Variants in CECR2 observed in about 807,000 individuals in gnomAD.
CECR2 encodes CECR2 histone acetyl-lysine reader.
In CECR2, 30 loss-of-function variants were observed where a neutral mutation model predicts 154.5. That is an observed-to-expected ratio of 0.19 (90% CI 0.15 to 0.26). The LOEUF is 0.26. CECR2 is among the 10% of genes least tolerant of loss of function. The probability of loss-of-function intolerance (pLI) is 1.00; values close to 1 mark genes in which losing one functional copy is unlikely to be tolerated. For missense variants in CECR2, 1,743 were observed against 1,829.3 expected (o/e 0.95, Z 0.86); for synonymous variants, 725 against 683.7 (o/e 1.06, Z -0.94).
chr22:17,445,494 TA>T (rs1183247671), intron 1 of CECR2, among the ~76,000 whole-genome samples: 1 of 151,632 alleles, frequency 6.6e-6, no homozygotes, highest in Non-Finnish European at 1.5e-5. Context: ...TTTCCTTATA[TA>T]AAATGGTATA....
chr22:17,525,200 G>A (rs1377926150), intron 9 of CECR2, among the ~76,000 whole-genome samples: 2 of 142,260 alleles, frequency 1.4e-5, no homozygotes, highest in Non-Finnish European at 3.0e-5. Context: ...CAGGAGAATC[G>A]CTTGAACCCA....
intron 1 of CECR2, among the ~76,000 whole-genome samples, chr22:17,429,403 G>A (rs2054383706): frequency 1.3e-5 from 2 of 151,830 alleles, no homozygotes. Context: ...CAGGGCATAT[G>A]AAGATCTCAC....
intron 2 of CECR2, among the ~76,000 whole-genome samples, chr22:17,481,086 G>A (rs994005207): frequency 5.6e-5 from 8 of 142,876 alleles, no homozygotes; most frequent in Non-Finnish European, 1.1e-4. Flanking sequence ...CCTCACGCCT[G>A]TAATCCCAGC....
intron 6 of CECR2, among the ~76,000 whole-genome samples, 199 bp downstream of exon 6, chr22:17,503,330 G>T (rs722750): frequency 6.6e-6 from 1 of 152,064 alleles, no homozygotes; most frequent in Non-Finnish European, 1.5e-5. Context: ...ATTAAGATCA[G>T]AACTAGATCT....
chr22:17,522,081 T>C (rs174312), intron 8 of CECR2, among the ~76,000 whole-genome samples: 21,449 of 152,164 alleles, frequency 0.14, 1,961 homozygotes, highest in Non-Finnish European at 0.2. Context: ...GTGTTATTTC[T>C]GAGGCCTCTG....
At chr22:17,436,826 G>A (rs1053957747) in intron 1 of CECR2, among the ~76,000 whole-genome samples, 1 of 152,202 alleles carries the variant, frequency 6.6e-6, no homozygotes, top group African/African-American at 2.4e-5. Context: ...GTTTCCTTAA[G>A]TGAGCTAAGC....
chr22:17,525,299 A>G (rs2056242395), intron 9 of CECR2, among the ~76,000 whole-genome samples: 2 of 144,558 alleles, frequency 1.4e-5, no homozygotes, highest in African/African-American at 5.1e-5. Flanking sequence ...AAAAAAAAAA[A>G]AAAAAAAAAA....
intron 1 of CECR2, among the ~76,000 whole-genome samples, chr22:17,472,656 G>T (rs75139269): frequency 0.023 from 3,547 of 152,162 alleles, 53 homozygotes; most frequent in Middle Eastern, 0.058. Flanking sequence ...CTGTGATCTC[G>T]ATCCTTAATC....
At chr22:17,538,897 C>T (rs2056478171) in intron 12 of CECR2, 96 bp from the exon 13 acceptor site, 2 of 1,443,624 alleles carry the variant, frequency 1.4e-6, no homozygotes, top group African/African-American at 2.8e-5. Flanking sequence ...TACAGATCAG[C>T]ATTGCTGAAT....
chr22:17,376,378 T>G (rs1254538102), intron 1 of CECR2, among the ~76,000 whole-genome samples: 1 of 131,286 alleles, frequency 7.6e-6, no homozygotes, highest in African/African-American at 3.3e-5. Flanking sequence ...TGCTTAATGT[T>G]CTGGAATACA....
chr22:17,520,374 ATCT>A (rs1400828725), intron 8 of CECR2, among the ~76,000 whole-genome samples: 1 of 151,988 alleles, frequency 6.6e-6, no homozygotes, highest in East Asian at 1.9e-4. Context: ...TTTCAATGAA[ATCT>A]TCCCTTTGAC....
At chr22:17,395,178 A>G (rs1164097961) in intron 1 of CECR2, among the ~76,000 whole-genome samples, 1 of 152,130 alleles carries the variant, frequency 6.6e-6, no homozygotes, top group Non-Finnish European at 1.5e-5. Flanking sequence ...TACCTTTTCT[A>G]GAATTTGCTA....
chr22:17,516,234 C>T (rs1435329437), intron 8 of CECR2, among the ~76,000 whole-genome samples: 1 of 151,718 alleles, frequency 6.6e-6, no homozygotes, highest in Non-Finnish European at 1.5e-5. Context: ...TATATCCATA[C>T]ACACACACAT....
At chr22:17,430,867 AT>A (rs1233964242) in intron 1 of CECR2, among the ~76,000 whole-genome samples, 1 of 152,162 alleles carries the variant, frequency 6.6e-6, no homozygotes, top group African/African-American at 2.4e-5. Context: ...ATTGCCTACT[AT>A]TTATATATAT....
At chr22:17,548,011 A>G (rs1377576302) in intron 16 of CECR2, 137 bp from the exon 17 acceptor site, 4 of 784,232 alleles carry the variant, frequency 5.1e-6, no homozygotes, top group Non-Finnish European at 7.9e-6. Flanking sequence ...GCCCTCTTTC[A>G]GGGACTCAAA....
At chr22:17,497,027 C>G (rs1005724275) in intron 2 of CECR2, among the ~76,000 whole-genome samples, 4 of 152,162 alleles carry the variant, frequency 2.6e-5, no homozygotes, top group Admixed American at 2.0e-4. Context: ...AGCGTGTTAC[C>G]TCACCCCTGT....
intron 1 of CECR2, among the ~76,000 whole-genome samples, chr22:17,455,767 C>T (rs762704841): frequency 5.9e-5 from 9 of 152,180 alleles, no homozygotes; most frequent in Non-Finnish European, 7.3e-5. Flanking sequence ...CACACCAGCA[C>T]GCCCGGCTAA....
chr22:17,452,923 C>T (rs1335801850), intron 1 of CECR2, among the ~76,000 whole-genome samples: 1 of 152,022 alleles, frequency 6.6e-6, no homozygotes, highest in Admixed American at 6.6e-5. Flanking sequence ...GTCCGTGTTC[C>T]TCATTAGCAG....
intron 14 of CECR2, among the ~76,000 whole-genome samples, chr22:17,541,497 T>C (rs540940724): frequency 2.0e-5 from 3 of 152,336 alleles, no homozygotes; most frequent in African/African-American, 7.2e-5. Context: ...GGTATACATG[T>C]AGTACATGAA....
Sources: gnomAD v4.1 joint callset for allele counts (sites outside exome capture counted in the v4.1 genomes callset) on GRCh38, gnomAD v4.1.1 for gene constraint, MANE v1.5 for transcripts, NCBI Gene and HGNC (gene_info 2026-07-23, HGNC 2026-07-21) for gene names.